Variants in GALNT13 observed in about 807,000 individuals in gnomAD.
GALNT13 encodes polypeptide N-acetylgalactosaminyltransferase 13.
GALNT13 carries 28 observed loss-of-function variants against 64.2 expected under a neutral mutation model. The ratio of observed to expected loss-of-function variants is 0.44; its 90% CI spans 0.32 to 0.60. The LOEUF (loss-of-function observed/expected upper bound fraction) is 0.60. Ranked by LOEUF, GALNT13 falls within the 20% of genes least tolerant of loss-of-function variation. The pLI, the probability that GALNT13 is intolerant of heterozygous loss-of-function variation, is 0.05. For missense variants in GALNT13, 577 were observed against 669.8 expected, an observed-to-expected ratio of 0.86 and a Z score of 1.53; for synonymous variants, 214 against 224.6, an observed-to-expected ratio of 0.95 and a Z score of 0.42.
the GALNT13 span, among the ~76,000 whole-genome samples, chr2:153,716,763 C>G: frequency 5.9e-5 from 9 of 152,044 alleles, no homozygotes; most frequent in African/African-American, 1.9e-4. Flanking sequence ...AATAAACAGG[C>G]CTGTGAGTGG....
chr2:153,695,476 A>G, the GALNT13 span, among the ~76,000 whole-genome samples: 1 of 152,176 alleles, frequency 6.6e-6, no homozygotes, highest in African/African-American at 2.4e-5. Context: ...AACAAGCTCT[A>G]ATATTTCAGG....
At chr2:153,610,326 C>T in the GALNT13 span, among the ~76,000 whole-genome samples, 5 of 151,922 alleles carry the variant, frequency 3.3e-5, no homozygotes, top group Non-Finnish European at 5.9e-5. Context: ...AAAAAAGGAA[C>T]CTGAAGGAAA....
the GALNT13 span, among the ~76,000 whole-genome samples, chr2:153,439,148 C>T: frequency 1.3e-5 from 2 of 152,064 alleles, no homozygotes; most frequent in African/African-American, 4.8e-5. Flanking sequence ...ATTGGTGAAC[C>T]GCAAATGCTG....
chr2:154,425,330 T>C (rs1262927704), intron 11 of GALNT13, among the ~76,000 whole-genome samples: 1 of 152,158 alleles, frequency 6.6e-6, no homozygotes, highest in Non-Finnish European at 1.5e-5. Flanking sequence ...AAACAAACAC[T>C]AAAATACAAT....
At chr2:154,440,149 C>T (rs1701213028) in intron 12 of GALNT13, among the ~76,000 whole-genome samples, 1 of 152,082 alleles carries the variant, frequency 6.6e-6, no homozygotes. Flanking sequence ...CTTGTTGTTA[C>T]TGTTCCGTTT....
Position 154,236,231 on chromosome 2 carries a change from C to G in GALNT13, c.312-5799C>G. On this transcript the variant is annotated intron_variant, in intron 4 of 12. Coordinates refer to ENST00000392825, the MANE Select transcript of GALNT13 (RefSeq NM_052917.4). ...TAAACACACAAAGAGATGTTAACCT[C>G]ATGCATCATATTTTAAAATGTTGGC... 4 of 874,490 alleles carry G rather than the reference C, an allele frequency of 4.6e-6. No individual in the cohort carries two copies. In the South Asian group the frequency reaches 1.7e-4, roughly 38 times the overall value. The allele number at this position is 874,490 out of a possible 1,614,324, so 54.2% of individuals were successfully genotyped here. A position where few individuals can be genotyped will look rare whatever the true frequency, so the allele number is the denominator to read the frequency against.
chr2:153,158,756 C>T, the GALNT13 span, among the ~76,000 whole-genome samples: 7 of 152,306 alleles, frequency 4.6e-5, no homozygotes, highest in East Asian at 1.3e-3. Flanking sequence ...GAACTATCTA[C>T]AAACAGGCCA....
chr2:154,321,989 A>G (rs1694646904), intron 9 of GALNT13, among the ~76,000 whole-genome samples: 1 of 151,914 alleles, frequency 6.6e-6, no homozygotes, highest in African/African-American at 2.4e-5. Flanking sequence ...GTATATACAT[A>G]TTTGCCCAAC....
At chr2:154,417,790 G>C (rs1257202161) in intron 11 of GALNT13, among the ~76,000 whole-genome samples, 1 of 151,988 alleles carries the variant, frequency 6.6e-6, no homozygotes, top group Non-Finnish European at 1.5e-5. Context: ...GGGATTACAG[G>C]TGTGAGCCAC....
the GALNT13 span, among the ~76,000 whole-genome samples, chr2:153,254,974 G>T: frequency 6.6e-6 from 1 of 152,022 alleles, no homozygotes. Context: ...TTCTGTAGAT[G>T]TCTATTAGGT....
At chr2:153,267,978 C>A in the GALNT13 span, among the ~76,000 whole-genome samples, 1 of 152,142 alleles carries the variant, frequency 6.6e-6, no homozygotes, top group Non-Finnish European at 1.5e-5. Context: ...GGGATTATTA[C>A]AATTCAAGGT....
the GALNT13 span, among the ~76,000 whole-genome samples, chr2:153,252,361 C>G: frequency 0.011 from 1,054 of 92,682 alleles, 43 homozygotes; most frequent in African/African-American, 0.051. Flanking sequence ...ATTGTAGATT[C>G]TGGATATTAG....
the GALNT13 span, among the ~76,000 whole-genome samples, chr2:153,240,621 C>T: frequency 6.6e-6 from 1 of 152,170 alleles, no homozygotes; most frequent in African/African-American, 2.4e-5. Context: ...CCTGGGGAGA[C>T]ATCCCATAAT....
intron 9 of GALNT13, among the ~76,000 whole-genome samples, chr2:154,338,600 G>A (rs1235915401): frequency 2.0e-5 from 3 of 152,102 alleles, no homozygotes; most frequent in African/African-American, 2.4e-5. Context: ...GGAGGCAGAG[G>A]GAGGTGGTAA....
intron 7 of GALNT13, among the ~76,000 whole-genome samples, chr2:154,258,168 ACTG>A (rs1690481267): frequency 5.9e-5 from 9 of 152,114 alleles, no homozygotes; most frequent in Admixed American, 5.2e-4. Flanking sequence ...TTTAATTTGC[ACTG>A]CTTTTATATG....
chr2:153,436,633 T>A, the GALNT13 span, among the ~76,000 whole-genome samples: 1 of 152,244 alleles, frequency 6.6e-6, no homozygotes, highest in Non-Finnish European at 1.5e-5. Flanking sequence ...TTTGTAGTAT[T>A]CTCTGATGGT....
intron 4 of GALNT13, among the ~76,000 whole-genome samples, chr2:154,169,600 G>A (rs1439057619): frequency 6.6e-6 from 1 of 152,122 alleles, no homozygotes; most frequent in Non-Finnish European, 1.5e-5. Flanking sequence ...ACTATGCCCT[G>A]AATCAATCAA....
chr2:154,281,653 A>G (rs1691967512), intron 8 of GALNT13, among the ~76,000 whole-genome samples: 1 of 152,126 alleles, frequency 6.6e-6, no homozygotes, highest in Non-Finnish European at 1.5e-5. Flanking sequence ...GTGGGAGATG[A>G]GATTAAAGGC....
chr2:153,496,171 A>C, the GALNT13 span, among the ~76,000 whole-genome samples: 6 of 152,338 alleles, frequency 3.9e-5, no homozygotes, highest in African/African-American at 1.4e-4. Flanking sequence ...AGCCCCATTA[A>C]TAAACGTTAT....
Sources: gnomAD v4.1 joint callset for allele counts (sites outside exome capture counted in the v4.1 genomes callset) on GRCh38, gnomAD v4.1.1 for gene constraint, MANE v1.5 for transcripts, NCBI Gene and HGNC (gene_info 2026-07-23, HGNC 2026-07-21) for gene names.